Variants in HS6ST3 observed in about 807,000 individuals in gnomAD.
HS6ST3 encodes the protein heparan-sulfate 6-O-sulfotransferase 3.
In HS6ST3, 12 loss-of-function variants were observed where a neutral mutation model predicts 36.7. The observed-to-expected ratio is 0.33, with a 90% confidence interval of 0.21 to 0.53. The LOEUF is 0.53. Among genes scored for constraint, HS6ST3 ranks in the 20% least tolerant of loss-of-function variants. The pLI is 0.95. For synonymous variants in HS6ST3, 240 were observed against 257.5 expected (o/e 0.93, Z 0.65); for missense variants, 584 against 640.9 (o/e 0.91, Z 0.96).
chr13:96,145,624 G>T (rs1413445416), intron 1 of HS6ST3, among the ~76,000 whole-genome samples: 1 of 152,188 alleles, frequency 6.6e-6, no homozygotes, highest in African/African-American at 2.4e-5. Context: ...TCTGATGGTG[G>T]TTTCTTTTGC....
chr13:96,459,471 C>T (rs1179310023), intron 1 of HS6ST3, among the ~76,000 whole-genome samples: 2 of 151,812 alleles, frequency 1.3e-5, no homozygotes, highest in Non-Finnish European at 1.5e-5. Context: ...TAGAGTATAA[C>T]GCAATATGGA....
intron 1 of HS6ST3, among the ~76,000 whole-genome samples, chr13:96,734,402 C>T (rs1876232811): frequency 6.6e-6 from 1 of 152,220 alleles, no homozygotes; most frequent in Non-Finnish European, 1.5e-5. Context: ...ACATTAGTCC[C>T]ACCTTTGTTA....
At chr13:96,285,762 G>A (rs1033763303) in intron 1 of HS6ST3, among the ~76,000 whole-genome samples, 6 of 152,098 alleles carry the variant, frequency 3.9e-5, no homozygotes, top group East Asian at 1.9e-4. Flanking sequence ...TTCTGTGCTC[G>A]CATAACTGGC....
At chr13:96,435,065 C>G (rs1317967172) in intron 1 of HS6ST3, among the ~76,000 whole-genome samples, 1 of 151,960 alleles carries the variant, frequency 6.6e-6, no homozygotes, top group Non-Finnish European at 1.5e-5. Flanking sequence ...CTTATTTTCT[C>G]TTTTCCTGAG....
At chr13:96,676,264 A>C (rs1423733034) in intron 1 of HS6ST3, among the ~76,000 whole-genome samples, 1 of 152,042 alleles carries the variant, frequency 6.6e-6, no homozygotes, top group Non-Finnish European at 1.5e-5. Flanking sequence ...ATATCTTCAC[A>C]TGGGGTCTTC....
chr13:96,365,262 G>A (rs1038565966), intron 1 of HS6ST3, among the ~76,000 whole-genome samples: 6 of 152,180 alleles, frequency 3.9e-5, no homozygotes, highest in African/African-American at 1.2e-4. Context: ...TCCCTGACAT[G>A]CTCATTTTCA....
rs537693528 is a variant in HS6ST3, at chr13:96,259,976, G to A, written c.707+168407G>A. On this transcript the variant is annotated intron_variant, in intron 1 of 1. Coordinates refer to ENST00000376705, the MANE Select transcript of HS6ST3 (RefSeq NM_153456.4). ...TTCATAAAATATTATTTTCTTGGTGGTGCCCTCACTTGAGTGATGATTATA... is the reference window on the plus strand; with the variant it reads ...TTCATAAAATATTATTTTCTTGGTGATGCCCTCACTTGAGTGATGATTATA... Among the ~76,000 whole-genome samples, 3 of 152,080 alleles carry A rather than the reference G, an allele frequency of 2.0e-5. No homozygotes were observed. The South Asian group carries it at 6.3e-4, about 32-fold the overall frequency.
chr13:96,502,531 A>T lies in HS6ST3; in HGVS notation c.708-329959A>T, dbSNP rs368310985. 4.6e-5 allele frequency among the ~76,000 whole-genome samples: 7 copies of T among 152,252 alleles called. No homozygotes were observed. In the East Asian group the frequency reaches 7.7e-4, roughly 17 times the overall value. ...TTATTATCAAGCAGGGACAAAGCAG[A>T]CACACAACCTCTGTGTAAATTTGAT... is the stretch of plus-strand genomic sequence containing the variant. On this transcript the variant is annotated intron_variant, in intron 1 of 1. Coordinates refer to ENST00000376705, the MANE Select transcript of HS6ST3 (RefSeq NM_153456.4).
chr13:96,246,661 T>G (rs1218181468), intron 1 of HS6ST3, among the ~76,000 whole-genome samples: 2 of 152,154 alleles, frequency 1.3e-5, no homozygotes, highest in African/African-American at 2.4e-5. Context: ...TCCTTTTTTG[T>G]GTGTGTGGAG....
At chr13:96,649,846 A>T (rs1397945348) in intron 1 of HS6ST3, among the ~76,000 whole-genome samples, 1 of 152,098 alleles carries the variant, frequency 6.6e-6, no homozygotes, top group African/African-American at 2.4e-5. Context: ...AGTAAAAGCC[A>T]AAGTCTTTAC....
At chr13:96,632,881 C>T (rs1426428412) in intron 1 of HS6ST3, among the ~76,000 whole-genome samples, 4 of 152,122 alleles carry the variant, frequency 2.6e-5, no homozygotes, top group Non-Finnish European at 5.9e-5. Context: ...ATACACCAGG[C>T]AAGATATTAG....
rs57780978 is a variant in HS6ST3, at chr13:96,317,372, T to TTA, written c.707+225825_707+225826dup. ...TATATATATATATATATATATAAAA[T>TTA]TATATATATATATATATATATATCA... On this transcript the variant is annotated intron_variant, in intron 1 of 1. Transcript: ENST00000376705. Among the ~76,000 whole-genome samples, 332 of 52,114 alleles carry TTA rather than the reference T, an allele frequency of 6.4e-3. 2 individuals carry two copies. Among genetic ancestry groups the TTA allele is most frequent in the South Asian group, 0.031 (49 of 1,556 alleles). 34.2% of individuals were successfully genotyped at this position (52,114 alleles called of 152,430 possible).
At chr13:96,601,243 A>T (rs2056420613) in intron 1 of HS6ST3, among the ~76,000 whole-genome samples, 1 of 152,158 alleles carries the variant, frequency 6.6e-6, no homozygotes, top group South Asian at 2.1e-4. Context: ...TTCCTCAATT[A>T]TTCCCTCAAA....
intron 1 of HS6ST3, among the ~76,000 whole-genome samples, chr13:96,269,377 T>C (rs899797584): frequency 1.3e-5 from 2 of 152,044 alleles, no homozygotes; most frequent in African/African-American, 4.8e-5. Flanking sequence ...TGTTGAATTA[T>C]GTGAGTTTTG....
chr13:96,242,691 C>T (rs993602169), intron 1 of HS6ST3, among the ~76,000 whole-genome samples: 12 of 151,970 alleles, frequency 7.9e-5, no homozygotes, highest in Admixed American at 2.6e-4. Context: ...TGGTGAGGTT[C>T]TGGAGAAATT....
chr13:96,436,129 C>T (rs558561814), intron 1 of HS6ST3, among the ~76,000 whole-genome samples: 58 of 152,312 alleles, frequency 3.8e-4, no homozygotes, highest in African/African-American at 1.2e-3. Flanking sequence ...GTGTCTCCTA[C>T]ATCACTCTGC....
intron 1 of HS6ST3, among the ~76,000 whole-genome samples, chr13:96,715,335 A>C (rs1215423938): frequency 2.6e-5 from 4 of 152,124 alleles, no homozygotes; most frequent in Non-Finnish European, 5.9e-5. Context: ...AGGTGGGTAG[A>C]TGATGGATTA....
At chr13:96,416,747 G>T (rs531347519) in intron 1 of HS6ST3, among the ~76,000 whole-genome samples, 1 of 151,096 alleles carries the variant, frequency 6.6e-6, no homozygotes. Flanking sequence ...GAGGCATAGG[G>T]TAACATTTTT....
intron 1 of HS6ST3, among the ~76,000 whole-genome samples, chr13:96,456,938 A>G (rs2055757075): frequency 6.6e-6 from 1 of 152,122 alleles, no homozygotes; most frequent in South Asian, 2.1e-4. Flanking sequence ...TTATAAGATA[A>G]ATTAATCTTT....
Sources: allele counts gnomAD v4.1 joint callset (sites outside exome capture counted in the v4.1 genomes callset), GRCh38; gene constraint gnomAD v4.1.1; transcripts MANE v1.5; gene names NCBI Gene and HGNC (gene_info 2026-07-23, HGNC 2026-07-21).